Variants in RNASET2 observed in about 807,000 individuals in gnomAD.
The protein encoded by RNASET2 is ribonuclease T2.
A neutral mutation model predicts 33.9 loss-of-function variants in RNASET2; 28 were observed. The ratio of observed to expected loss-of-function variants is 0.83; its 90% CI spans 0.61 to 1.13. The LOEUF (loss-of-function observed/expected upper bound fraction) is 1.13, where lower values mean the gene tolerates loss of function less well. RNASET2 is among the 50% of genes most tolerant of loss of function. The pLI is 0.00. For missense variants in RNASET2, 330 were observed against 319.9 expected, an observed-to-expected ratio of 1.03 and a Z score of -0.24; for synonymous variants, 123 against 121.0, an observed-to-expected ratio of 1.02 and a Z score of -0.11.
intron 4 of RNASET2, chr6:166,943,816 A>G (rs1396704131): frequency 1.1e-5 from 5 of 463,532 alleles, no homozygotes; most frequent in Non-Finnish European, 1.8e-5. Context: ...TTTTCTGTAA[A>G]CCTATAACTG....
rs930821082 is a variant in RNASET2 at position 166,931,059 on chromosome 6, G to T, written c.552C>A (p.Cys184Ter). 1 of 1,611,654 alleles carries T rather than the reference G, an allele frequency of 6.2e-7. No individual in the cohort carries two copies. The highest frequency in any genetic ancestry group is 2.2e-5 in the East Asian group (1 of 44,878). Residue 184 changes from cysteine (C) to a stop codon, truncating the protein, a stop_gained, in exon 8 of 9, where the codon TGC becomes TGA. Coordinates refer to ENST00000508775, the MANE Select transcript of RNASET2 (RefSeq NM_003730.6). LOFTEE classifies it low-confidence loss of function (END_TRUNC). ...ACTGTCTAACCTGGCTTGGTGGAAG[G>T]CACTGGATTTTGGGTATCACTCCAT... ...RVYGVIPKIQ[C>*]LPPSQDEEVQ... is the part of the protein sequence containing the mutation.
chr6:166,934,432 TC>T lies in RNASET2; in HGVS notation c.447-297del, dbSNP rs1778519467. The T allele has an allele frequency of 1.0e-5, 4 of 382,930 alleles. No individual in the cohort carries two copies. In the South Asian group the frequency reaches 1.2e-4, roughly 11 times the overall value. 23.7% of individuals were successfully genotyped at this position (382,930 alleles called of 1,614,324 possible). ...CCACCGAGTGGAGCTGGCACACACA[TC>T]ACCACCCGTTTGCCACACCTGCTTT... is the stretch of plus-strand genomic sequence containing the variant. On this transcript the variant is annotated intron_variant, in intron 6 of 8. Coordinates refer to ENST00000508775, the MANE Select transcript of RNASET2 (RefSeq NM_003730.6).
chr6:166,930,111 C>T (rs1351895952), intron 8 of RNASET2, among the ~76,000 whole-genome samples: 1 of 152,200 alleles, frequency 6.6e-6, no homozygotes, highest in African/African-American at 2.4e-5. Flanking sequence ...CAAAGTTACA[C>T]ACAGATACAA....
intron 3 of RNASET2, among the ~76,000 whole-genome samples, chr6:166,947,173 A>G (rs1268438858): frequency 3.3e-5 from 5 of 152,126 alleles, no homozygotes; most frequent in Non-Finnish European, 5.9e-5. Flanking sequence ...GTTCCTTTCA[A>G]TGGTGAGGAG....
intron 8 of RNASET2, among the ~76,000 whole-genome samples, 196 bp downstream of exon 8, chr6:166,930,844 TACAC>T (rs561384815): frequency 2.1e-5 from 3 of 142,710 alleles, no homozygotes; most frequent in East Asian, 2.2e-4. Context: ...CACATGCATG[TACAC>T]ACACATGCAC....
intron 6 of RNASET2, 153 bp from the exon 7 acceptor site, chr6:166,934,289 T>G: frequency 1.5e-6 from 1 of 659,756 alleles, no homozygotes; most frequent in Non-Finnish European, 2.7e-6. Flanking sequence ...CAACATGGAC[T>G]GCAAATACAT....
At chr6:166,952,769 A>G (rs1475909268) in intron 1 of RNASET2, 15 of 532,360 alleles carry the variant, frequency 2.8e-5, no homozygotes, top group Non-Finnish European at 4.9e-5. Flanking sequence ...GGCGGAGAAC[A>G]TGAATAGGAT....
Position 166,955,397 on chromosome 6 carries a change from G to GCGCACACA in RNASET2, c.86+699_86+700insTGTGTGCG, listed in dbSNP as rs1416763125. ...AACGCACACGCACACACACACACGC[G>GCGCACACA]CACACACACACGCGCACACACACAC... On this transcript the variant is annotated intron_variant, in intron 1 of 8. Coordinates refer to ENST00000508775, the MANE Select transcript of RNASET2 (RefSeq NM_003730.6). 5 of 519,314 alleles carry GCGCACACA rather than the reference G, an allele frequency of 9.6e-6. No homozygotes were observed. In the African/African-American group the frequency reaches 1.6e-4, roughly 17 times the overall value. The allele number at this position is 519,314 out of a possible 1,614,324, so 32.2% of individuals were successfully genotyped here.
chr6:166,943,269 T>C, intron 4 of RNASET2, 180 bp from the exon 5 acceptor site: 1 of 540,296 alleles, frequency 1.9e-6, no homozygotes, highest in Non-Finnish European at 3.4e-6. Flanking sequence ...TATCTACAAG[T>C]GCAATTTGAG....
chr6:166,929,863 CT>C, intron 8 of RNASET2, 72 bp from the exon 9 acceptor site: 1 of 1,378,388 alleles, frequency 7.3e-7, no homozygotes, highest in Non-Finnish European at 1.0e-6. Flanking sequence ...AGATCATGAA[CT>C]TTTAGAACTT....
chr6:166,924,989 C>T lies in RNASET2; in HGVS notation c.*4599G>A, dbSNP rs1386236700. Reference sequence around the variant, plus strand: ...GGAGAAGTACAGGCCTCACCTCCACCGCGCAGGCCTCATCTACGCCATCCA... The same window carrying T: ...GGAGAAGTACAGGCCTCACCTCCACTGCGCAGGCCTCATCTACGCCATCCA... On this transcript the variant is annotated 3_prime_UTR_variant, in exon 9 of 9. Coordinates refer to ENST00000508775, the MANE Select transcript of RNASET2 (RefSeq NM_003730.6). 1.3e-5 allele frequency among the ~76,000 whole-genome samples: 2 copies of T among 151,994 alleles called. No individual in the cohort carries two copies. Among genetic ancestry groups the T allele is most frequent in the Non-Finnish European group, 2.9e-5 (2 of 67,964 alleles).
rs1278239113 is a variant in RNASET2, at chr6:166,926,652, G to A, written c.*2936C>T. Among the ~76,000 whole-genome samples the A allele has an allele frequency of 6.6e-6, 1 of 152,156 alleles. No homozygotes were observed. The highest frequency in any genetic ancestry group is 2.4e-5 in the African/African-American group (1 of 41,438). On this transcript the variant is annotated 3_prime_UTR_variant, in exon 9 of 9. Coordinates refer to ENST00000508775, the MANE Select transcript of RNASET2 (RefSeq NM_003730.6). The stretch of plus-strand genomic sequence containing the variant: ...CACTACTAGCTTGGAGAGAGGGATT[G>A]CTTTCCAGGTGACAAAGCATTGTCC...
rs189779279 is a variant in RNASET2 at position 166,926,941 on chromosome 6, G to A, written c.*2647C>T. ...CTGGCTGCTCTCCATCCTGAGATGC[G>A]CCTGCTCCTTTGTCCCCCTGGGAGA... is the stretch of plus-strand genomic sequence containing the variant. On this transcript the variant is annotated 3_prime_UTR_variant, in exon 9 of 9. Coordinates refer to ENST00000508775, the MANE Select transcript of RNASET2 (RefSeq NM_003730.6). Among the ~76,000 whole-genome samples, 15 of 152,222 alleles carry A rather than the reference G, an allele frequency of 9.9e-5. No homozygotes were observed. The highest frequency in any genetic ancestry group is 3.3e-4 in the Admixed American group (5 of 15,296).
intron 1 of RNASET2, among the ~76,000 whole-genome samples, chr6:166,955,247 ACG>A (rs1779096546): frequency 1.7e-4 from 15 of 90,822 alleles, no homozygotes; most frequent in African/African-American, 8.0e-4. Flanking sequence ...ACGCACACAC[ACG>A]CACACACGCA....
rs1036749937 is a variant in RNASET2 at position 166,926,258 on chromosome 6, C to G, written c.*3330G>C. Among the ~76,000 whole-genome samples, 1 of 151,440 alleles carries G rather than the reference C, an allele frequency of 6.6e-6. No homozygotes were observed. Among genetic ancestry groups the G allele is most frequent in the African/African-American group, 2.4e-5 (1 of 41,162 alleles). On this transcript the variant is annotated 3_prime_UTR_variant, in exon 9 of 9. Transcript: ENST00000508775. ...TCGGTGGAAAGATAAGATACCTGGG[C>G]CAGGCGCGGTGGCTCACACCTATAA...
At chr6:166,945,078 G>A (rs2769342) in intron 4 of RNASET2, 3,908 of 116,928 alleles carry the variant, frequency 0.033, 290 homozygotes, top group African/African-American at 0.14. Flanking sequence ...ACCCACCCAC[G>A]TCCACACCTG....
intron 7 of RNASET2, chr6:166,931,622 C>T (rs897089865): frequency 1.1e-5 from 2 of 187,088 alleles, no homozygotes; most frequent in East Asian, 1.3e-4. Flanking sequence ...AACCTAGACC[C>T]CCCTGTGCTC....
chr6:166,949,861 A>T (rs1778941205), intron 2 of RNASET2, among the ~76,000 whole-genome samples: 1 of 152,214 alleles, frequency 6.6e-6, no homozygotes, highest in Non-Finnish European at 1.5e-5. Flanking sequence ...AGAACCCGAC[A>T]GGCAGACTGA....
At chr6:166,955,715 G>C in intron 1 of RNASET2, 1 of 1,104,604 alleles carries the variant, frequency 9.1e-7, no homozygotes, top group Non-Finnish European at 1.1e-6. Context: ...GGTCACCCCG[G>C]GGAGTGTTCA....
Sources: allele counts gnomAD v4.1 joint callset (sites outside exome capture counted in the v4.1 genomes callset), GRCh38; gene constraint gnomAD v4.1.1; transcripts MANE v1.5; gene names NCBI Gene and HGNC (gene_info 2026-07-23, HGNC 2026-07-21).